Variants in NCBP3 observed in about 807,000 individuals in gnomAD.
NCBP3 encodes the protein nuclear cap-binding protein subunit 3.
NCBP3 carries 20 observed loss-of-function variants against 75.7 expected under a neutral mutation model. That is an observed-to-expected ratio of 0.26 (90% confidence interval 0.19 to 0.38). The LOEUF (loss-of-function observed/expected upper bound fraction) is 0.38, where lower values mean the gene tolerates loss of function less well. Among genes scored for constraint, NCBP3 ranks in the 10% least tolerant of loss-of-function variants. The probability of loss-of-function intolerance (pLI) is 1.00; values close to 1 mark genes in which losing one functional copy is unlikely to be tolerated. For synonymous variants in NCBP3, 293 were observed against 290.5 expected, an observed-to-expected ratio of 1.01 and a Z score of -0.09; for missense variants, 678 against 796.9, an observed-to-expected ratio of 0.85 and a Z score of 1.80.
At chr17:3,815,775 T>C (rs1433902405) in intron 11 of NCBP3, among the ~76,000 whole-genome samples, 1 of 152,162 alleles carries the variant, frequency 6.6e-6, no homozygotes, top group Non-Finnish European at 1.5e-5. Context: ...AGGATGTGTG[T>C]AGGTTATATG....
chr17:3,817,457 G>A (rs543552092), intron 10 of NCBP3, among the ~76,000 whole-genome samples: 9 of 151,978 alleles, frequency 5.9e-5, no homozygotes, highest in African/African-American at 1.7e-4. Flanking sequence ...GCTGAAACCC[G>A]TCTCTACTAA....
At chr17:3,814,543 C>A in intron 11 of NCBP3, 60 bp from the exon 12 acceptor site, 1 of 1,572,766 alleles carries the variant, frequency 6.4e-7, no homozygotes, top group Non-Finnish European at 8.7e-7. Context: ...CGGCACCAGC[C>A]GCCTGACACC....
intron 4 of NCBP3, among the ~76,000 whole-genome samples, chr17:3,827,546 T>G (rs1329559787): frequency 6.6e-6 from 1 of 152,174 alleles, no homozygotes; most frequent in Non-Finnish European, 1.5e-5. Context: ...CTTTGAGAAA[T>G]CTTACGGAAA....
intron 3 of NCBP3, among the ~76,000 whole-genome samples, chr17:3,831,370 G>C (rs1271414684): frequency 6.6e-6 from 1 of 151,440 alleles, no homozygotes; most frequent in Admixed American, 6.6e-5. Flanking sequence ...TCAAGAGGTC[G>C]AGACCATCTG....
At chr17:3,837,170 A>C (rs999873273) in intron 3 of NCBP3, among the ~76,000 whole-genome samples, 2 of 149,668 alleles carry the variant, frequency 1.3e-5, no homozygotes, top group African/African-American at 5.0e-5. Flanking sequence ...AAAAATAAAA[A>C]TAAATAAATA....
In NCBP3 at chr17:3,812,737, A is replaced by G. The variant is rs185781451; in HGVS notation, c.*307T>C. ...GTAAAACATTTCTTTTAAAAGACACAATGTTAAAAATATTAAGAAAAATGT... is the reference window on the plus strand; with the variant it reads ...GTAAAACATTTCTTTTAAAAGACACGATGTTAAAAATATTAAGAAAAATGT... On this transcript the variant is annotated 3_prime_UTR_variant, in exon 13 of 13. Coordinates refer to ENST00000389005, the MANE Select transcript of NCBP3 (RefSeq NM_001114118.3). 8.4e-6 allele frequency: 10 copies of G among 1,189,796 alleles called. No homozygotes were observed. The highest frequency in any genetic ancestry group is 1.6e-5 in the African/African-American group (1 of 63,830). The allele number at this position is 1,189,796 out of a possible 1,614,324, so 73.7% of individuals were successfully genotyped here.
chr17:3,837,816 T>C (rs1018174572), intron 3 of NCBP3, among the ~76,000 whole-genome samples: 10 of 151,650 alleles, frequency 6.6e-5, no homozygotes, highest in African/African-American at 2.2e-4. Context: ...TGGTCTGAGA[T>C]GGGCAGCAGG....
At chr17:3,842,067 A>C (rs933170410) in intron 2 of NCBP3, among the ~76,000 whole-genome samples, 9 of 152,106 alleles carry the variant, frequency 5.9e-5, no homozygotes, top group African/African-American at 2.2e-4. Flanking sequence ...TGACTCTATG[A>C]GGTGTTACAA....
At chr17:3,843,750 T>C (rs996753593) in intron 1 of NCBP3, among the ~76,000 whole-genome samples, 2 of 152,202 alleles carry the variant, frequency 1.3e-5, no homozygotes, top group South Asian at 2.1e-4. Context: ...TTTCACCATG[T>C]TGGCATACTG....
At chr17:3,813,462 A>G (rs2053463684) in intron 12 of NCBP3, among the ~76,000 whole-genome samples, 183 bp from the exon 13 acceptor site, 1 of 152,148 alleles carries the variant, frequency 6.6e-6, no homozygotes, top group South Asian at 2.1e-4. Flanking sequence ...CCCTGCCCGC[A>G]AACGGAAGGG....
chr17:3,826,086 C>T lies in NCBP3; in HGVS notation c.610+1G>A. 1 of 1,550,962 alleles carries T rather than the reference C, an allele frequency of 6.4e-7. No homozygotes were observed. Among genetic ancestry groups the T allele is most frequent in the Admixed American group, 2.0e-5 (1 of 50,806 alleles). On this transcript the variant is annotated splice_donor_variant, in intron 5 of 12. Coordinates refer to ENST00000389005, the MANE Select transcript of NCBP3 (RefSeq NM_001114118.3). LOFTEE classifies it high-confidence loss of function. ...CCCAGTTCCCTCCTTTGTGTTGTTA[C>T]CTTTTTTCCTTTTCTCAGCTGACTT...
At chr17:3,821,136 G>A (rs2053655011) in intron 9 of NCBP3, 113 bp downstream of exon 9, 1 of 716,648 alleles carries the variant, frequency 1.4e-6, no homozygotes, top group Non-Finnish European at 2.4e-6. Context: ...CAGAGGGTGA[G>A]GGCAAGGAAG....
chr17:3,811,984 T>C lies in NCBP3; in HGVS notation c.*1060A>G, dbSNP rs1454162819. 1 of 152,204 alleles carries C rather than the reference T, an allele frequency of 6.6e-6. No individual in the cohort carries two copies. The highest frequency in any genetic ancestry group is 1.5e-5 in the Non-Finnish European group (1 of 68,038). The allele number at this position is 152,204 out of a possible 1,614,324, so 9.4% of individuals were successfully genotyped here. ...AACGTGGGGACAGAAAGAATAAATA[T>C]CAATGTATAACTTCTAGAGTGATAA... On this transcript the variant is annotated 3_prime_UTR_variant, in exon 13 of 13. Transcript: ENST00000389005.
At chr17:3,839,203 C>T (rs763853230) in intron 3 of NCBP3, among the ~76,000 whole-genome samples, 5 of 152,002 alleles carry the variant, frequency 3.3e-5, no homozygotes, top group Admixed American at 2.0e-4. Context: ...GCAAAATACC[C>T]CAAAAAAACA....
At chr17:3,841,265 G>A (rs529288658) in intron 2 of NCBP3, among the ~76,000 whole-genome samples, 39 of 152,122 alleles carry the variant, frequency 2.6e-4, no homozygotes, top group Non-Finnish European at 4.9e-4. Flanking sequence ...GTGAGCCACC[G>A]CGCCCAGTCC....
chr17:3,822,018 ACTT>A lies in NCBP3; in HGVS notation c.828_830del (p.Arg276del). ...GATTCCCATATTTCATGTAATACTG[ACTT>A]CTTCTGGCTGCTCCAAGTTCCTTTT... On this transcript the variant is annotated inframe_deletion, in exon 8 of 13. Coordinates refer to ENST00000389005, the MANE Select transcript of NCBP3 (RefSeq NM_001114118.3). The A allele has an allele frequency of 6.2e-7, 1 of 1,612,644 alleles. No individual in the cohort carries two copies. Among genetic ancestry groups the A allele is most frequent in the South Asian group, 1.1e-5 (1 of 90,656 alleles).
At position 3,804,942 on chromosome 17, in the gene NCBP3, C is replaced by G. The variant is rs1421456108; in HGVS notation, c.*8102G>C. Reference sequence around the variant, plus strand: ...TCTGAACCACCACAAACTCTCCTGCCTTCAGCTCTTTTGGTGTGTAGACTT... The same window carrying G: ...TCTGAACCACCACAAACTCTCCTGCGTTCAGCTCTTTTGGTGTGTAGACTT... On this transcript the variant is annotated 3_prime_UTR_variant, in exon 13 of 13. Transcript: ENST00000389005. The G allele has an allele frequency of 1.3e-5, 2 of 152,258 alleles. No individual in the cohort carries two copies. Among genetic ancestry groups the G allele is most frequent in the East Asian group, 3.8e-4 (2 of 5,204 alleles). 9.4% of individuals were successfully genotyped at this position (152,258 alleles called of 1,614,324 possible). A position where few individuals can be genotyped will look rare whatever the true frequency, so the allele number is the denominator to read the frequency against.
rs1306646014 is a variant in NCBP3, at chr17:3,811,302, C to T, written c.*1742G>A. 3.3e-5 allele frequency: 5 copies of T among 152,206 alleles called. No homozygotes were observed. The highest frequency in any genetic ancestry group is 5.9e-5 in the Non-Finnish European group (4 of 68,060). The allele number at this position is 152,206 out of a possible 1,614,324, so 9.4% of individuals were successfully genotyped here. On this transcript the variant is annotated 3_prime_UTR_variant, in exon 13 of 13. Transcript: ENST00000389005. ...TCCTCACTCTACCAACTCCCCAAAC[C>T]CTGACCCTTCCTAAGAACCTGGCTC... is the stretch of plus-strand genomic sequence containing the variant.
At position 3,806,750 on chromosome 17, in the gene NCBP3, T is replaced by C. The variant is rs2053340981; in HGVS notation, c.*6294A>G. 6.6e-6 allele frequency: 1 copy of C among 152,082 alleles called. No homozygotes were observed. The highest frequency in any genetic ancestry group is 6.5e-5 in the Admixed American group (1 of 15,272). The allele number at this position is 152,082 out of a possible 1,614,324, so 9.4% of individuals were successfully genotyped here. A position where few individuals can be genotyped will look rare whatever the true frequency, so the allele number is the denominator to read the frequency against. On this transcript the variant is annotated 3_prime_UTR_variant, in exon 13 of 13. Coordinates refer to ENST00000389005, the MANE Select transcript of NCBP3 (RefSeq NM_001114118.3). ...AAAAAAAAAAAAAAGCTACAATATTTTTCTTCTAAGATTTATTTTATAAAC... is the reference window on the plus strand; with the variant it reads ...AAAAAAAAAAAAAAGCTACAATATTCTTCTTCTAAGATTTATTTTATAAAC...
Sources: gnomAD v4.1 joint callset for allele counts (sites outside exome capture counted in the v4.1 genomes callset) on GRCh38, gnomAD v4.1.1 for gene constraint, MANE v1.5 for transcripts, NCBI Gene and HGNC (gene_info 2026-07-23, HGNC 2026-07-21) for gene names.